Variants in GALNT2 observed in about 807,000 individuals in gnomAD.
GALNT2 encodes the protein polypeptide N-acetylgalactosaminyltransferase 2.
In GALNT2, 31 loss-of-function variants were observed where a neutral mutation model predicts 81.4. The ratio of observed to expected loss-of-function variants is 0.38; its 90% CI spans 0.29 to 0.51. The LOEUF (loss-of-function observed/expected upper bound fraction) is 0.51. GALNT2 is among the 20% of genes least tolerant of loss of function. The pLI, the probability that GALNT2 is intolerant of heterozygous loss-of-function variation, is 0.87. For synonymous variants in GALNT2, 303 were observed against 287.4 expected (o/e 1.05, Z -0.55); for missense variants, 629 against 765.7 (o/e 0.82, Z 2.11).
intron 1 of GALNT2, among the ~76,000 whole-genome samples, chr1:230,076,529 G>A (rs1365907456): frequency 6.6e-6 from 1 of 152,096 alleles, no homozygotes; most frequent in African/African-American, 2.4e-5. Flanking sequence ...GGAGAGGGGG[G>A]TTATTCTTGG....
chr1:230,255,231 C>G lies in GALNT2; in HGVS notation c.1023C>G (p.Arg341=). ...WGGENLEISF[R]VWQCGGSLEI... ...TCATCGTCTCAGAGATCTCGTTCCG[C>G]GTGTGGCAGTGTGGTGGCAGCCTGG... The change falls in exon 11 of 16, where the codon CGC becomes CGG. Residue 341 remains arginine, a synonymous_variant. Transcript: ENST00000366672. 1.2e-6 allele frequency: 2 copies of G among 1,614,196 alleles called. No individual in the cohort carries two copies. The highest frequency in any genetic ancestry group is 1.7e-6 in the Non-Finnish European group (2 of 1,180,044).
chr1:230,276,222 C>T (rs1233942917), intron 15 of GALNT2, among the ~76,000 whole-genome samples: 1 of 151,990 alleles, frequency 6.6e-6, no homozygotes, highest in Non-Finnish European at 1.5e-5. Flanking sequence ...AGACTTTCTA[C>T]CTGCCTTGTA....
chr1:230,281,990 T>C lies in GALNT2; in HGVS notation c.*2532T>C, dbSNP rs1390306745. 1 of 152,264 alleles carries C rather than the reference T, an allele frequency of 6.6e-6. No homozygotes were observed. Among genetic ancestry groups the C allele is most frequent in the Non-Finnish European group, 1.5e-5 (1 of 68,046 alleles). 9.4% of individuals were successfully genotyped at this position (152,264 alleles called of 1,614,324 possible). On this transcript the variant is annotated 3_prime_UTR_variant, in exon 16 of 16. Transcript: ENST00000366672. Reference sequence around the variant, plus strand: ...GAGTATGTTTTGCAAATTCAAAATATAGTTTGGTAATTTTTTTTTCCAGTT... The same window carrying C: ...GAGTATGTTTTGCAAATTCAAAATACAGTTTGGTAATTTTTTTTTCCAGTT...
At chr1:230,240,553 C>G (rs1665170373) in intron 6 of GALNT2, among the ~76,000 whole-genome samples, 2 of 152,186 alleles carry the variant, frequency 1.3e-5, no homozygotes, top group South Asian at 4.1e-4. Flanking sequence ...TATTGTGCCA[C>G]TGCACTCCAG....
At chr1:230,090,780 A>G (rs1203132784) in intron 1 of GALNT2, among the ~76,000 whole-genome samples, 1 of 152,220 alleles carries the variant, frequency 6.6e-6, no homozygotes, top group Non-Finnish European at 1.5e-5. Context: ...AATCACAGGT[A>G]ATTAAATATG....
At chr1:230,080,099 A>T (rs1659681173) in intron 1 of GALNT2, among the ~76,000 whole-genome samples, 1 of 152,208 alleles carries the variant, frequency 6.6e-6, no homozygotes, top group Non-Finnish European at 1.5e-5. Flanking sequence ...GTTTTAGTTT[A>T]GAGGATTTTT....
At chr1:230,222,153 A>C (rs112191782) in intron 3 of GALNT2, among the ~76,000 whole-genome samples, 5,628 of 150,890 alleles carry the variant, frequency 0.037, 340 homozygotes, top group African/African-American at 0.12. Flanking sequence ...CAGCCTCCTG[A>C]GTAGCTGGGA....
chr1:230,251,610 G>C (rs1264078884), intron 10 of GALNT2, among the ~76,000 whole-genome samples: 1 of 152,146 alleles, frequency 6.6e-6, no homozygotes, highest in Non-Finnish European at 1.5e-5. Context: ...TCTAGGGAAA[G>C]CTTGGATTGA....
At chr1:230,117,981 C>G (rs932143143) in intron 1 of GALNT2, among the ~76,000 whole-genome samples, 2 of 152,208 alleles carry the variant, frequency 1.3e-5, no homozygotes, top group Admixed American at 6.5e-5. Flanking sequence ...AGCTTCGCTG[C>G]CCTTGGAATT....
chr1:230,267,297 C>T (rs73115705), intron 14 of GALNT2, among the ~76,000 whole-genome samples: 22,216 of 152,284 alleles, frequency 0.15, 1,799 homozygotes, highest in African/African-American at 0.21. Context: ...AAAGCAATCC[C>T]TTGCCTTCCA....
chr1:230,198,029 C>T (rs1663756370), intron 2 of GALNT2, among the ~76,000 whole-genome samples: 2 of 152,210 alleles, frequency 1.3e-5, no homozygotes, highest in South Asian at 2.1e-4. Context: ...GACCACAGCA[C>T]GTCTCATATG....
intron 1 of GALNT2, among the ~76,000 whole-genome samples, chr1:230,176,039 G>A (rs1034527832): frequency 3.9e-5 from 6 of 152,114 alleles, no homozygotes; most frequent in Non-Finnish European, 5.9e-5. Flanking sequence ...GCGCATAGTA[G>A]GTATTCGTAA....
chr1:230,135,678 G>A (rs1661515359), intron 1 of GALNT2, among the ~76,000 whole-genome samples: 1 of 151,874 alleles, frequency 6.6e-6, no homozygotes, highest in Admixed American at 6.6e-5. Flanking sequence ...TATCACTTGA[G>A]GGATCTCAGA....
chr1:230,221,334 G>T (rs1664540591), intron 3 of GALNT2, among the ~76,000 whole-genome samples: 1 of 152,194 alleles, frequency 6.6e-6, no homozygotes, highest in South Asian at 2.1e-4. Context: ...ACGTTGGGAT[G>T]AATATTTTCG....
chr1:230,157,452 A>G (rs1350088333), intron 1 of GALNT2, among the ~76,000 whole-genome samples: 1 of 152,214 alleles, frequency 6.6e-6, no homozygotes, highest in East Asian at 1.9e-4. Context: ...AGCTAAACAC[A>G]TGTTCTCATA....
chr1:230,080,710 G>A (rs752994910), intron 1 of GALNT2, among the ~76,000 whole-genome samples: 1 of 152,158 alleles, frequency 6.6e-6, no homozygotes, highest in African/African-American at 2.4e-5. Flanking sequence ...GCAGACTCTG[G>A]GTGTGCATTC....
chr1:230,131,387 C>CAA (rs1427981429), intron 1 of GALNT2, among the ~76,000 whole-genome samples: 1 of 152,132 alleles, frequency 6.6e-6, no homozygotes, highest in African/African-American at 2.4e-5. Context: ...AATAGCAAAT[C>CAA]AAAAAACCTT....
chr1:230,088,416 CA>C (rs1479018168), intron 1 of GALNT2, among the ~76,000 whole-genome samples: 1 of 150,846 alleles, frequency 6.6e-6, no homozygotes, highest in East Asian at 1.9e-4. Context: ...TTCTGTGTGA[CA>C]GGGTTTTTTT....
chr1:230,245,647 T>C (rs938353425), intron 7 of GALNT2, among the ~76,000 whole-genome samples: 1 of 152,178 alleles, frequency 6.6e-6, no homozygotes, highest in African/African-American at 2.4e-5. Context: ...GTATGAGCAT[T>C]TTAGCAGTGA....
Sources: allele counts gnomAD v4.1 joint callset (sites outside exome capture counted in the v4.1 genomes callset), GRCh38; gene constraint gnomAD v4.1.1; transcripts MANE v1.5; gene names NCBI Gene and HGNC (gene_info 2026-07-23, HGNC 2026-07-21).